Variants in PALS1 observed in about 807,000 individuals in gnomAD.
PALS1 encodes the protein protein associated with LIN7 1, MAGUK p55 family member, also known as protein PALS1.
A neutral mutation model predicts 78.9 loss-of-function variants in PALS1; 31 were observed. The ratio of observed to expected loss-of-function variants is 0.39; its 90% CI spans 0.30 to 0.53. The LOEUF (loss-of-function observed/expected upper bound fraction) is 0.53, where lower values mean the gene tolerates loss of function less well. Ranked by LOEUF, PALS1 falls within the 20% of genes least tolerant of loss-of-function variation. PALS1 has a pLI of 0.67. For synonymous variants in PALS1, 276 were observed against 270.9 expected, an observed-to-expected ratio of 1.02 and a Z score of -0.18; for missense variants, 704 against 826.5, an observed-to-expected ratio of 0.85 and a Z score of 1.82.
chr14:67,323,232 C>CGTGTGT (rs35018637), intron 13 of PALS1, among the ~76,000 whole-genome samples: 5,592 of 143,410 alleles, frequency 0.039, 228 homozygotes, highest in African/African-American at 0.099. Flanking sequence ...CATATATACA[C>CGTGTGT]GTGTGTGTGT....
intron 1 of PALS1, among the ~76,000 whole-genome samples, chr14:67,258,959 C>G (rs575355492): frequency 1.1e-3 from 162 of 152,160 alleles, no homozygotes; most frequent in African/African-American, 3.7e-3. Context: ...TTTCCTGCCT[C>G]ACCCTCCCGA....
intron 3 of PALS1, among the ~76,000 whole-genome samples, chr14:67,291,574 C>T (rs1428429755): frequency 6.6e-6 from 1 of 152,142 alleles, no homozygotes; most frequent in Non-Finnish European, 1.5e-5. Flanking sequence ...TGAGCCACTG[C>T]GCCCAGCCTA....
chr14:67,332,951 AG>A lies in PALS1; in HGVS notation c.2025del (p.Arg675SerfsTer13). 6.2e-7 allele frequency: 1 copy of A among 1,602,890 alleles called. No individual in the cohort carries two copies. Among genetic ancestry groups the A allele is most frequent in the South Asian group, 1.1e-5 (1 of 90,464 alleles). The part of the protein sequence containing the change: ...EPQWVPSTWL[R>X] The stretch of plus-strand genomic sequence containing the variant: ...TCAGTGGGTACCATCCACTTGGCTG[AG>A]GTGAAAGAAACATCCATTCTGTGGC... On this transcript the variant is annotated frameshift_variant, in exon 15 of 15. Coordinates refer to ENST00000261681, the MANE Select transcript of PALS1 (RefSeq NM_022474.4). LOFTEE classifies it high-confidence loss of function.
intron 3 of PALS1, among the ~76,000 whole-genome samples, chr14:67,284,442 A>AAAAAAAAAAAAAAAAAAAAAC (rs890593561): frequency 2.8e-5 from 4 of 142,766 alleles, no homozygotes; most frequent in Admixed American, 7.0e-5. Context: ...AAAAAAAAAA[A>AAAAAAAAAAAAAAAAAAAAAC]AACAGCTGGG....
intron 1 of PALS1, among the ~76,000 whole-genome samples, chr14:67,255,308 T>A (rs187359470): frequency 9.8e-5 from 15 of 152,324 alleles, no homozygotes; most frequent in African/African-American, 3.4e-4. Flanking sequence ...GTAATTAGGA[T>A]TCTTTGAGTT....
intron 10 of PALS1, 23 bp from the exon 11 acceptor site, chr14:67,317,385 T>C: frequency 6.3e-7 from 1 of 1,585,856 alleles, no homozygotes; most frequent in South Asian, 1.1e-5. Context: ...ACATTTATAG[T>C]TATGTTTATG....
chr14:67,328,763 G>C (rs1217487039), intron 14 of PALS1, among the ~76,000 whole-genome samples: 1 of 152,102 alleles, frequency 6.6e-6, no homozygotes, highest in African/African-American at 2.4e-5. Flanking sequence ...CTTTTTGTCA[G>C]GTTTGTCAAA....
chr14:67,316,165 A>G lies in PALS1; in HGVS notation c.1226-667A>G, dbSNP rs572047049. Among the ~76,000 whole-genome samples the G allele has an allele frequency of 5.0e-4, 76 of 152,330 alleles. 1 individual carries two copies. The South Asian group carries it at 0.015, about 30-fold the overall frequency. On this transcript the variant is annotated intron_variant, in intron 9 of 14. Coordinates refer to ENST00000261681, the MANE Select transcript of PALS1 (RefSeq NM_022474.4). ...TTCTAAGTGAAGCCACTTGTATCCT[A>G]TAGGAAAAGACATATTTGATTTAAA...
chr14:67,312,777 GAA>G, intron 9 of PALS1, 67 bp downstream of exon 9: 1 of 1,237,586 alleles, frequency 8.1e-7, no homozygotes, highest in Non-Finnish European at 1.1e-6. Flanking sequence ...CCTTCACAAA[GAA>G]AAACTCACTC....
intron 14 of PALS1, among the ~76,000 whole-genome samples, chr14:67,331,054 C>CT (rs1479651867): frequency 3.0e-4 from 46 of 151,484 alleles, no homozygotes; most frequent in East Asian, 2.7e-3. Flanking sequence ...ATATTTCTTT[C>CT]TTTTTTTTGA....
intron 8 of PALS1, among the ~76,000 whole-genome samples, chr14:67,308,730 G>C (rs1295340321): frequency 6.6e-6 from 1 of 151,720 alleles, no homozygotes; most frequent in African/African-American, 2.4e-5. Context: ...TGTGCCACCA[G>C]CTAATTTTGT....
chr14:67,321,148 A>G lies in PALS1; in HGVS notation c.1629A>G (p.Gly543=), dbSNP rs374085980. 45 of 1,614,100 alleles carry G rather than the reference A, an allele frequency of 2.8e-5. No homozygotes were observed. The highest frequency in any genetic ancestry group is 5.9e-6 in the Non-Finnish European group (7 of 1,180,040). The change falls in exon 13 of 15, where the codon GGA becomes GGG. Residue 543 remains glycine, a synonymous_variant. Coordinates refer to ENST00000261681, the MANE Select transcript of PALS1 (RefSeq NM_022474.4). ...CATTCGAGGCAGACATAGCAGCTGG[A>G]AAGTTCATTGAGCATGGTGAATTTG... is the stretch of plus-strand genomic sequence containing the variant. ...RQAFEADIAA[G]KFIEHGEFEK... is the part of the protein sequence containing the mutation.
chr14:67,332,739 A>G, intron 14 of PALS1, 41 bp from the exon 15 acceptor site: 2 of 1,564,872 alleles, frequency 1.3e-6, no homozygotes, highest in South Asian at 1.2e-5. Flanking sequence ...TTATTTGGTT[A>G]GGAAAGGAAT....
chr14:67,295,373 C>G (rs1178296291), intron 4 of PALS1, among the ~76,000 whole-genome samples: 1 of 151,812 alleles, frequency 6.6e-6, no homozygotes, highest in African/African-American at 2.4e-5. Context: ...ACCTGCAATT[C>G]CAGCTGCTTG....
At chr14:67,290,348 G>A (rs2084754114) in intron 3 of PALS1, among the ~76,000 whole-genome samples, 1 of 152,166 alleles carries the variant, frequency 6.6e-6, no homozygotes, top group Non-Finnish European at 1.5e-5. Flanking sequence ...TGATAGACCA[G>A]TGAAATAAAG....
At chr14:67,302,220 G>A in intron 6 of PALS1, 102 bp downstream of exon 6, 2 of 1,298,642 alleles carry the variant, frequency 1.5e-6, no homozygotes, top group Non-Finnish European at 2.0e-6. Flanking sequence ...GAGTATTTCT[G>A]AAGCAGAAAG....
chr14:67,277,877 A>G (rs892247743), intron 2 of PALS1, among the ~76,000 whole-genome samples: 1 of 152,146 alleles, frequency 6.6e-6, no homozygotes, highest in African/African-American at 2.4e-5. Flanking sequence ...GACTGGTCTT[A>G]AGTCATAAAA....
intron 3 of PALS1, among the ~76,000 whole-genome samples, chr14:67,287,794 A>G (rs922875564): frequency 1.3e-5 from 2 of 152,272 alleles, no homozygotes; most frequent in Admixed American, 6.5e-5. Flanking sequence ...GAAAGGCTAC[A>G]TGGCGTAGCA....
intron 8 of PALS1, among the ~76,000 whole-genome samples, chr14:67,307,707 C>T (rs935523995): frequency 3.9e-5 from 6 of 152,044 alleles, no homozygotes; most frequent in Non-Finnish European, 8.8e-5. Flanking sequence ...TTCCTTGACT[C>T]ACTTTCACTA....
Sources: gnomAD v4.1 joint callset for allele counts (sites outside exome capture counted in the v4.1 genomes callset) on GRCh38, gnomAD v4.1.1 for gene constraint, MANE v1.5 for transcripts, NCBI Gene and HGNC (gene_info 2026-07-23, HGNC 2026-07-21) for gene names.